The following MBNL2 variants were observed in gnomAD, a reference collection of about 807,000 sequenced individuals.
The protein encoded by MBNL2 is muscleblind-like protein 2.
Under a neutral mutation model 41.9 loss-of-function variants are expected in MBNL2, and 17 were observed. The ratio of observed to expected loss-of-function variants is 0.41; its 90% CI spans 0.28 to 0.61. MBNL2 has a LOEUF of 0.61. Among genes scored for constraint, MBNL2 ranks in the 20% least tolerant of loss-of-function variants. The pLI, the probability that MBNL2 is intolerant of heterozygous loss-of-function variation, is 0.35. For missense variants in MBNL2, 336 were observed against 505.6 expected, an observed-to-expected ratio of 0.66 and a Z score of 3.22; for synonymous variants, 195 against 182.9, an observed-to-expected ratio of 1.07 and a Z score of -0.53.
chr13:97,210,628 T>C, the MBNL2 span, among the ~76,000 whole-genome samples: 1 of 122,136 alleles, frequency 8.2e-6, no homozygotes, highest in African/African-American at 3.1e-5. Context: ...AATCTCACAC[T>C]GTTGCCCAGG....
the MBNL2 span, among the ~76,000 whole-genome samples, chr13:97,204,593 GA>G: frequency 4.0e-5 from 6 of 151,604 alleles, no homozygotes; most frequent in South Asian, 2.1e-4. Flanking sequence ...CTTTCAGGAA[GA>G]AAAAAAACTA....
the MBNL2 span, among the ~76,000 whole-genome samples, chr13:97,182,040 T>C: frequency 6.6e-6 from 1 of 152,214 alleles, no homozygotes; most frequent in African/African-American, 2.4e-5. Context: ...GTAGGGGTTT[T>C]TTATTTTTAA....
the MBNL2 span, among the ~76,000 whole-genome samples, chr13:97,178,984 A>G: frequency 6.6e-6 from 1 of 152,224 alleles, no homozygotes; most frequent in Non-Finnish European, 1.5e-5. Flanking sequence ...GAAGCTGGGA[A>G]TTATACATAT....
chr13:97,224,847 A>C (rs534699094), intron 1 of MBNL2, among the ~76,000 whole-genome samples: 1 of 152,330 alleles, frequency 6.6e-6, no homozygotes, highest in East Asian at 1.9e-4. Flanking sequence ...TTCCAAGGAA[A>C]TCAAAGCGTT....
chr13:97,285,294 T>G (rs2054200141), intron 2 of MBNL2, among the ~76,000 whole-genome samples: 1 of 152,158 alleles, frequency 6.6e-6, no homozygotes, highest in Non-Finnish European at 1.5e-5. Context: ...TTTAGCTCAC[T>G]CATTCATTCA....
chr13:97,295,823 G>A (rs572028549), intron 2 of MBNL2, among the ~76,000 whole-genome samples: 35 of 152,238 alleles, frequency 2.3e-4, no homozygotes, highest in Middle Eastern at 6.8e-3. Flanking sequence ...TTGAAATCCT[G>A]TGAATTTTGA....
chr13:97,239,038 G>A (rs146792584), intron 1 of MBNL2, among the ~76,000 whole-genome samples: 15 of 152,304 alleles, frequency 9.8e-5, no homozygotes, highest in African/African-American at 1.7e-4. Context: ...CAAAATAACC[G>A]TTTCGGAGAG....
chr13:97,389,194 A>C (rs773154131), intron 8 of MBNL2, among the ~76,000 whole-genome samples: 1 of 152,198 alleles, frequency 6.6e-6, no homozygotes, highest in Non-Finnish European at 1.5e-5. Context: ...ATTAAATTTC[A>C]GTGGTCATTT....
chr13:97,228,157 G>A (rs142778680), intron 1 of MBNL2, among the ~76,000 whole-genome samples: 1 of 152,100 alleles, frequency 6.6e-6, no homozygotes, highest in Non-Finnish European at 1.5e-5. Context: ...CCTAAGAAGA[G>A]CAGGAGAGCC....
chr13:97,149,171 C>T, the MBNL2 span, among the ~76,000 whole-genome samples: 1 of 152,196 alleles, frequency 6.6e-6, no homozygotes, highest in Non-Finnish European at 1.5e-5. Flanking sequence ...AAGATTCAGC[C>T]TTGGCAGCCA....
At chr13:97,300,392 G>A (rs561114614) in intron 2 of MBNL2, among the ~76,000 whole-genome samples, 1 of 152,168 alleles carries the variant, frequency 6.6e-6, no homozygotes, top group Non-Finnish European at 1.5e-5. Flanking sequence ...TTTCATAGAA[G>A]GTCGGTGGGG....
At chr13:97,387,415 T>C (rs530175691) in intron 8 of MBNL2, among the ~76,000 whole-genome samples, 1 of 152,042 alleles carries the variant, frequency 6.6e-6, no homozygotes, top group African/African-American at 2.4e-5. Context: ...AGCCTCACAG[T>C]CCCCCAGCAA....
At chr13:97,380,873 T>G (rs557182882) in intron 8 of MBNL2, among the ~76,000 whole-genome samples, 1 of 152,266 alleles carries the variant, frequency 6.6e-6, no homozygotes, top group Non-Finnish European at 1.5e-5. Context: ...GGGCAGATGG[T>G]GACCTGGCTT....
intron 2 of MBNL2, among the ~76,000 whole-genome samples, chr13:97,327,383 T>A (rs2059988201): frequency 6.6e-6 from 1 of 151,866 alleles, no homozygotes; most frequent in South Asian, 2.1e-4. Flanking sequence ...TTTACTAGAT[T>A]AGGAGCATTC....
At chr13:97,214,794 G>A in the MBNL2 span, among the ~76,000 whole-genome samples, 1 of 152,212 alleles carries the variant, frequency 6.6e-6, no homozygotes, top group Non-Finnish European at 1.5e-5. Context: ...ATTCTAGTGA[G>A]CACAGTGACA....
intron 1 of MBNL2, among the ~76,000 whole-genome samples, chr13:97,263,683 T>G (rs1189661482): frequency 6.6e-6 from 1 of 152,094 alleles, no homozygotes; most frequent in Non-Finnish European, 1.5e-5. Context: ...GGTGGTGCTA[T>G]CTCTGCTCAC....
intron 8 of MBNL2, among the ~76,000 whole-genome samples, chr13:97,390,573 C>T (rs982954574): frequency 1.3e-5 from 2 of 152,136 alleles, no homozygotes; most frequent in Non-Finnish European, 1.5e-5. Context: ...TTGGACCACA[C>T]GGGCCAAGTT....
the MBNL2 span, among the ~76,000 whole-genome samples, chr13:97,172,071 C>T: frequency 6.6e-6 from 1 of 152,128 alleles, no homozygotes; most frequent in Non-Finnish European, 1.5e-5. Context: ...TGAAAACGGA[C>T]TAATACAGGT....
chr13:97,229,717 G>C (rs2152777932), intron 1 of MBNL2, among the ~76,000 whole-genome samples: 1 of 152,232 alleles, frequency 6.6e-6, no homozygotes, highest in African/African-American at 2.4e-5. Flanking sequence ...AAAGTTAGAT[G>C]GAGGGGGTGG....
Sources: gnomAD v4.1 joint callset for allele counts (sites outside exome capture counted in the v4.1 genomes callset) on GRCh38, gnomAD v4.1.1 for gene constraint, MANE v1.5 for transcripts, NCBI Gene and HGNC (gene_info 2026-07-23, HGNC 2026-07-21) for gene names.